The following ERC1 variants were observed in gnomAD, a reference collection of about 807,000 sequenced individuals.
ERC1 encodes the protein RAB6 interacting protein 2.
In ERC1, 56 loss-of-function variants were observed where a neutral mutation model predicts 132.0. The observed-to-expected ratio is 0.42, with a 90% CI of 0.34 to 0.53. The LOEUF is 0.53. Ranked by LOEUF, ERC1 falls within the 20% of genes least tolerant of loss-of-function variation. The pLI is 0.03. For missense variants in ERC1, 1,202 were observed against 1,349.9 expected, an observed-to-expected ratio of 0.89 and a Z score of 1.72; for synonymous variants, 478 against 476.1, an observed-to-expected ratio of 1.00 and a Z score of -0.05.
At chr12:990,952 A>AGTGC, upstream of ERC1, 1 of 149,548 alleles carries the variant, frequency 6.7e-6, no homozygotes, top group Non-Finnish European at 1.5e-5. Flanking sequence ...TGTGTGTGTG[A>AGTGC]GTGTGTGTGT....
chr12:1,458,535 C>CTT lies in ERC1; in HGVS notation c.3213+13800_3213+13801dup, dbSNP rs767876391. Among the ~76,000 whole-genome samples the CTT allele has an allele frequency of 3.3e-3, 438 of 133,816 alleles. 3 individuals carry two copies. Among genetic ancestry groups the CTT allele is most frequent in the African/African-American group, 0.011 (403 of 36,348 alleles). The allele number at this position is 133,816 out of a possible 152,430, so 87.8% of individuals were successfully genotyped here. ...ACACATATACACATGTATGTATTTT[C>CTT]TTTTTTTTTTTTTTTTGAGATGGAG... On this transcript the variant is annotated intron_variant, in intron 18 of 18. Coordinates refer to ENST00000360905, the MANE Select transcript of ERC1 (RefSeq NM_178040.4).
chr12:1,397,067 A>C (rs1272805722), intron 16 of ERC1, among the ~76,000 whole-genome samples: 1 of 152,212 alleles, frequency 6.6e-6, no homozygotes, highest in East Asian at 1.9e-4. Flanking sequence ...AAGATCACAA[A>C]GAAAGAAATG....
At position 1,121,555 on chromosome 12, in the gene ERC1, T is replaced by C. The variant is rs1947085990; in HGVS notation, c.1569+5522T>C. ...GAAGAGAAAGATGTATTGATTGATCTCTTCATTCAACACGGTTTTGGGAGT... is the reference window on the plus strand; with the variant it reads ...GAAGAGAAAGATGTATTGATTGATCCCTTCATTCAACACGGTTTTGGGAGT... On this transcript the variant is annotated intron_variant, in intron 7 of 18. Transcript: ENST00000360905. 2.0e-5 allele frequency among the ~76,000 whole-genome samples: 3 copies of C among 152,348 alleles called. No homozygotes were observed. The South Asian group carries it at 6.2e-4, about 32-fold the overall frequency.
chr12:1,369,473 A>C (rs2086974483), intron 15 of ERC1, among the ~76,000 whole-genome samples: 2 of 152,220 alleles, frequency 1.3e-5, no homozygotes, highest in South Asian at 4.1e-4. Flanking sequence ...CTTATCTGTC[A>C]TTCACCTGCT....
chr12:1,114,722 A>G (rs1946268000), intron 6 of ERC1, among the ~76,000 whole-genome samples: 1 of 152,342 alleles, frequency 6.6e-6, no homozygotes, highest in Admixed American at 6.5e-5. Context: ...ATTATCTTCC[A>G]CTGATGTTTT....
intron 15 of ERC1, among the ~76,000 whole-genome samples, chr12:1,302,962 CGAAAA>C (rs1447496904): frequency 2.6e-5 from 4 of 152,000 alleles, no homozygotes; most frequent in African/African-American, 9.6e-5. Context: ...GATCTTGTCT[CGAAAA>C]GAAAAAGTTA....
intron 7 of ERC1, among the ~76,000 whole-genome samples, chr12:1,116,363 G>A (rs1327133035): frequency 6.6e-5 from 10 of 152,070 alleles, no homozygotes; most frequent in African/African-American, 2.4e-4. Context: ...TTCAACCCCT[G>A]GTGAATTTTC....
At chr12:1,460,153 C>T (rs2093617137) in intron 18 of ERC1, among the ~76,000 whole-genome samples, 1 of 152,170 alleles carries the variant, frequency 6.6e-6, no homozygotes, top group South Asian at 2.1e-4. Flanking sequence ...ATGTTTCCCG[C>T]ATCCTTCTAA....
chr12:1,272,635 A>G (rs879189759), intron 14 of ERC1, among the ~76,000 whole-genome samples: 1 of 152,042 alleles, frequency 6.6e-6, no homozygotes, highest in Non-Finnish European at 1.5e-5. Context: ...CCTATTTTAC[A>G]TCCATGGTCT....
At chr12:1,337,508 G>C (rs2083418801) in intron 15 of ERC1, among the ~76,000 whole-genome samples, 1 of 152,056 alleles carries the variant, frequency 6.6e-6, no homozygotes, top group African/African-American at 2.4e-5. Context: ...GTTGCTTGGT[G>C]CCTTTTAATA....
chr12:1,449,136 G>A (rs1385299126), intron 18 of ERC1, among the ~76,000 whole-genome samples: 3 of 152,194 alleles, frequency 2.0e-5, no homozygotes, highest in South Asian at 4.1e-4. Context: ...TGGAGTAGGT[G>A]TATTTACCCA....
chr12:1,110,120 T>C (rs7131703), intron 4 of ERC1, 72 bp from the exon 5 acceptor site: 293,189 of 1,268,636 alleles, frequency 0.23, 36,675 homozygotes, highest in African/African-American at 0.32. Flanking sequence ...GTAACTTCTT[T>C]AAATATCATG....
chr12:1,362,879 A>G (rs1367869121), intron 15 of ERC1, among the ~76,000 whole-genome samples: 1 of 152,198 alleles, frequency 6.6e-6, no homozygotes, highest in African/African-American at 2.4e-5. Flanking sequence ...TGTTATCTGT[A>G]TTTGACTATA....
At chr12:1,049,747 C>CTTTT (rs35361881) in intron 2 of ERC1, among the ~76,000 whole-genome samples, 1 of 113,002 alleles carries the variant, frequency 8.8e-6, no homozygotes, top group African/African-American at 3.3e-5. Context: ...GTTTTGTGAT[C>CTTTT]TTTTTTTTTT....
intron 2 of ERC1, among the ~76,000 whole-genome samples, chr12:1,038,292 T>G (rs768686737): frequency 1.3e-5 from 2 of 151,938 alleles, no homozygotes; most frequent in Non-Finnish European, 2.9e-5. Context: ...TTTTTCTCCC[T>G]CCCCATCTCC....
intron 15 of ERC1, among the ~76,000 whole-genome samples, chr12:1,309,931 C>CTTTTG (rs560192167): frequency 0.022 from 3,233 of 148,928 alleles, 35 homozygotes; most frequent in African/African-American, 0.026. Context: ...GATTTGTTTT[C>CTTTTG]TTTTGTTTTG....
chr12:1,084,191 T>C (rs749058964), intron 3 of ERC1, among the ~76,000 whole-genome samples: 2 of 152,220 alleles, frequency 1.3e-5, no homozygotes, highest in Non-Finnish European at 2.9e-5. Context: ...CTTTTCTAAA[T>C]AATGTATCAT....
At chr12:1,435,031 T>C (rs1173686152) in intron 17 of ERC1, among the ~76,000 whole-genome samples, 3 of 152,206 alleles carry the variant, frequency 2.0e-5, no homozygotes, top group Non-Finnish European at 4.4e-5. Context: ...CTTCCTCATG[T>C]TTGTTTTTCC....
intron 13 of ERC1, among the ~76,000 whole-genome samples, chr12:1,242,983 C>A (rs1046851711): frequency 6.6e-6 from 1 of 151,430 alleles, no homozygotes; most frequent in Non-Finnish European, 1.5e-5. Context: ...GTCAGGAGAT[C>A]GAGACCATCC....
Sources: gnomAD v4.1 joint callset for allele counts (sites outside exome capture counted in the v4.1 genomes callset) on GRCh38, gnomAD v4.1.1 for gene constraint, MANE v1.5 for transcripts, NCBI Gene and HGNC (gene_info 2026-07-23, HGNC 2026-07-21) for gene names.